The following PARG variants were observed in gnomAD, a reference collection of about 807,000 sequenced individuals.
PARG encodes the protein poly(ADP-ribose) glycohydrolase, also known as mitochondrial poly(ADP-ribose) glycohydrolase.
A neutral mutation model predicts 113.0 loss-of-function variants in PARG; 35 were observed. That is an observed-to-expected ratio of 0.31 (90% CI 0.24 to 0.41). PARG has a LOEUF of 0.41. Ranked by LOEUF, PARG falls within the 10% of genes least tolerant of loss-of-function variation. The pLI is 1.00. For missense variants in PARG, 797 were observed against 1,169.4 expected (o/e 0.68, Z 4.64); for synonymous variants, 330 against 409.9 (o/e 0.81, Z 2.36).
intron 7 of PARG, among the ~76,000 whole-genome samples, chr10:49,905,151 GT>G (rs1848520955): frequency 6.6e-6 from 1 of 152,300 alleles, no homozygotes; most frequent in African/African-American, 2.4e-5. Flanking sequence ...CATGAGGTAT[GT>G]TGAAACCCTT....
chr10:49,824,909 C>T (rs1844276859), intron 16 of PARG, among the ~76,000 whole-genome samples: 1 of 152,202 alleles, frequency 6.6e-6, no homozygotes, highest in Non-Finnish European at 1.5e-5. Context: ...TTCTGGGCTG[C>T]TGTGGCAATC....
chr10:49,918,226 C>T (rs1299469965), intron 6 of PARG, among the ~76,000 whole-genome samples: 1 of 152,146 alleles, frequency 6.6e-6, no homozygotes, highest in African/African-American at 2.4e-5. Flanking sequence ...AATGTCAAAA[C>T]TCATCAAATG....
intron 7 of PARG, among the ~76,000 whole-genome samples, chr10:49,892,624 A>G (rs1847863623): frequency 6.6e-6 from 1 of 152,228 alleles, no homozygotes; most frequent in African/African-American, 2.4e-5. Context: ...ATAACTGTAC[A>G]CTGAATACCC....
At chr10:49,893,927 T>A (rs1847941881) in intron 7 of PARG, among the ~76,000 whole-genome samples, 1 of 152,086 alleles carries the variant, frequency 6.6e-6, no homozygotes, top group East Asian at 1.9e-4. Context: ...CTTGATCTCC[T>A]GACCTCGTGA....
At chr10:49,891,853 C>G (rs748615477) in intron 7 of PARG, among the ~76,000 whole-genome samples, 38 of 151,320 alleles carry the variant, frequency 2.5e-4, no homozygotes, top group Non-Finnish European at 4.3e-4. Flanking sequence ...TCTCAAACTC[C>G]TAACCTCAGG....
At chr10:49,865,484 C>T (rs1846461124) in intron 10 of PARG, 103 bp from the exon 11 acceptor site, 14 of 467,004 alleles carry the variant, frequency 3.0e-5, no homozygotes, top group South Asian at 2.6e-4. Context: ...CACACACACA[C>T]TCGGTAAAAG....
At chr10:49,879,542 A>C (rs1847115162) in intron 9 of PARG, 131 bp downstream of exon 9, 2 of 596,488 alleles carry the variant, frequency 3.4e-6, no homozygotes, top group Non-Finnish European at 3.1e-6. Flanking sequence ...AATGTCACTT[A>C]AGTACTGTAA....
intron 3 of PARG, among the ~76,000 whole-genome samples, chr10:49,932,886 C>G: frequency 6.7e-6 from 1 of 150,250 alleles, no homozygotes; most frequent in Non-Finnish European, 1.5e-5. Flanking sequence ...GCTGAAGAAA[C>G]AGTAGCTACT....
chr10:49,893,775 G>A lies in PARG; in HGVS notation c.1738-8480C>T, dbSNP rs560521557. Among the ~76,000 whole-genome samples the A allele has an allele frequency of 5.9e-4, 89 of 151,708 alleles. 5 individuals carry two copies. In the South Asian group the frequency reaches 0.014, roughly 23 times the overall value. Reference sequence around the variant, plus strand: ...GTGGCGCGATCTTGGCTCACTGCAAGCTCCGCCTCCCAAGTTCACGCCATT... The same window carrying A: ...GTGGCGCGATCTTGGCTCACTGCAAACTCCGCCTCCCAAGTTCACGCCATT... On this transcript the variant is annotated intron_variant, in intron 7 of 17. Transcript: ENST00000616448.
intron 7 of PARG, among the ~76,000 whole-genome samples, chr10:49,894,299 C>T (rs146364327): frequency 4.6e-3 from 704 of 151,658 alleles, no homozygotes; most frequent in East Asian, 0.019. Flanking sequence ...GCCTTGGCCT[C>T]GCAAAGTGCT....
chr10:49,830,371 G>C (rs550873596), intron 16 of PARG, among the ~76,000 whole-genome samples: 2 of 152,288 alleles, frequency 1.3e-5, no homozygotes, highest in South Asian at 4.1e-4. Context: ...ATAGCACCAT[G>C]CAGTTTTTGT....
At chr10:49,920,157 T>C (rs1370814998) in intron 6 of PARG, among the ~76,000 whole-genome samples, 3 of 151,808 alleles carry the variant, frequency 2.0e-5, no homozygotes, top group African/African-American at 7.3e-5. Context: ...AGGAGTTAGC[T>C]GGGAGCAGTG....
At chr10:49,923,245 T>A (rs2812988) in intron 4 of PARG, among the ~76,000 whole-genome samples, 2 of 152,086 alleles carry the variant, frequency 1.3e-5, no homozygotes, top group African/African-American at 4.8e-5. Flanking sequence ...CCTTCATAGC[T>A]CTGCCAGATT....
At chr10:49,938,290 A>G in intron 1 of PARG, among the ~76,000 whole-genome samples, 2 of 152,318 alleles carry the variant, frequency 1.3e-5, no homozygotes, top group South Asian at 4.1e-4. Context: ...AGCACTCAAT[A>G]TGTTATCTCC....
At position 49,922,412 on chromosome 10, in the gene PARG, T is replaced by C. The variant is rs782003119; in HGVS notation, c.1586A>G (p.Glu529Gly). 6.2e-7 allele frequency: 1 copy of C among 1,608,910 alleles called. No individual in the cohort carries two copies. Among genetic ancestry groups the C allele is most frequent in the South Asian group, 1.1e-5 (1 of 90,392 alleles). Reference sequence around the variant, plus strand: ...CTCCCACCGGCTCCCCGCAGTTCGCTCACCATTCTTTTGGAAAAAAGAAAA... The same window carrying C: ...CTCCCACCGGCTCCCCGCAGTTCGCCCACCATTCTTTTGGAAAAAAGAAAA... ...NLYPVEDENG[E>G]RTAGSRWELI... The change falls in exon 6 of 18, where the codon GAG becomes GGG. Residue 529 changes from glutamate to glycine, a missense_variant. Around this residue, in one of 5 missense-constraint regions of PARG, gnomAD observed 252 missense variants for 437.4 expected, o/e 0.58. Coordinates refer to ENST00000616448, the MANE Select transcript of PARG (RefSeq NM_003631.5).
At chr10:49,939,012 C>T (rs1838886754) in intron 1 of PARG, among the ~76,000 whole-genome samples, 1 of 152,026 alleles carries the variant, frequency 6.6e-6, no homozygotes, top group Non-Finnish European at 1.5e-5. Context: ...CATTTGGTAC[C>T]TCTTCTGCAG....
At chr10:49,823,648 C>G (rs542164494) in intron 16 of PARG, among the ~76,000 whole-genome samples, 1 of 151,934 alleles carries the variant, frequency 6.6e-6, no homozygotes, top group Non-Finnish European at 1.5e-5. Flanking sequence ...AAAATGGGAA[C>G]GAATGAATCA....
intron 7 of PARG, among the ~76,000 whole-genome samples, chr10:49,912,032 G>A (rs1302466239): frequency 6.6e-6 from 1 of 152,134 alleles, no homozygotes; most frequent in East Asian, 1.9e-4. Flanking sequence ...GGGAGCAGCC[G>A]CTCACACCTG....
At chr10:49,865,114 AAGGGTTAT>A (rs1846435038) in intron 11 of PARG, among the ~76,000 whole-genome samples, 199 bp downstream of exon 11, 1 of 152,012 alleles carries the variant, frequency 6.6e-6, no homozygotes, top group South Asian at 2.1e-4. Context: ...GTAGAAATCA[AAGGGTTAT>A]AGACTTTGAT....
Sources: allele counts gnomAD v4.1 joint callset (sites outside exome capture counted in the v4.1 genomes callset), GRCh38; gene constraint gnomAD v4.1.1; regional missense constraint gnomAD v4.1.1; transcripts MANE v1.5; gene names NCBI Gene and HGNC (gene_info 2026-07-23, HGNC 2026-07-21).